Variants in AFF2 observed in about 807,000 individuals in gnomAD.
AFF2 encodes the protein AF4/FMR2 family member 2.
In AFF2, 14 loss-of-function variants were observed where a neutral mutation model predicts 76.9. The ratio of observed to expected loss-of-function variants is 0.18; its 90% CI spans 0.12 to 0.28. The LOEUF is 0.28. AFF2 is among the 10% of genes least tolerant of loss of function. The probability of loss-of-function intolerance (pLI) is 1.00; values close to 1 mark genes in which losing one functional copy is unlikely to be tolerated. For synonymous variants in AFF2, 398 were observed against 366.7 expected (o/e 1.09, Z -0.98); for missense variants, 868 against 1,001.1 (o/e 0.87, Z 1.79).
intron 3 of AFF2, among the ~76,000 whole-genome samples, chrX:148,740,211 GAA>G (rs1557265496): frequency 8.9e-6 from 1 of 111,921 alleles, no homozygotes; most frequent in African/African-American, 3.3e-5. Context: ...CAAGGCCAGG[GAA>G]GTTTTCCTCG....
chrX:148,753,058 G>A (rs1233201350), intron 3 of AFF2, among the ~76,000 whole-genome samples: 1 of 111,542 alleles, frequency 9.0e-6, no homozygotes, highest in African/African-American at 3.3e-5. Flanking sequence ...GCAGCCATTT[G>A]TAAGGCTCAC....
At chrX:148,675,193 G>A (rs1048606189) in intron 3 of AFF2, among the ~76,000 whole-genome samples, 1 of 110,770 alleles carries the variant, frequency 9.0e-6, no homozygotes, top group African/African-American at 3.3e-5. Context: ...GTAGAATGAA[G>A]GAGAAATAAC....
chrX:148,674,621 A>T (rs1278387255), intron 3 of AFF2, among the ~76,000 whole-genome samples: 4 of 112,064 alleles, frequency 3.6e-5, no homozygotes, highest in Non-Finnish European at 7.5e-5. Flanking sequence ...TTAGTGACTT[A>T]TAGGGTGAAG....
chrX:148,508,954 G>T (rs1197734744), intron 1 of AFF2, among the ~76,000 whole-genome samples: 6 of 111,138 alleles, frequency 5.4e-5, no homozygotes, highest in Non-Finnish European at 9.4e-5. Flanking sequence ...AAAATGACTT[G>T]CCCAAGGACA....
At chrX:148,826,837 G>A (rs1402338136) in intron 4 of AFF2, among the ~76,000 whole-genome samples, 1 of 111,410 alleles carries the variant, frequency 9.0e-6, no homozygotes, top group Admixed American at 9.5e-5. Flanking sequence ...AATACTTGGA[G>A]GGGGCTTTCT....
chrX:148,762,708 A>G (rs1557267422), intron 3 of AFF2, among the ~76,000 whole-genome samples: 1 of 110,555 alleles, frequency 9.0e-6, no homozygotes, highest in East Asian at 2.8e-4. Context: ...TGCATCTTAT[A>G]ACTTCTCAGG....
At chrX:148,608,851 C>T (rs923923272) in intron 1 of AFF2, among the ~76,000 whole-genome samples, 4 of 111,629 alleles carry the variant, frequency 3.6e-5, no homozygotes, top group East Asian at 2.8e-4. Context: ...TTTAACAACA[C>T]GAATGTTTAG....
chrX:148,888,899 G>A (rs1383849939), intron 8 of AFF2, among the ~76,000 whole-genome samples: 1 of 111,752 alleles, frequency 8.9e-6, no homozygotes, highest in Non-Finnish European at 1.9e-5. Context: ...GTGCTCAAGA[G>A]CCCAGACAAC....
chrX:148,852,870 G>C (rs1276249509), intron 7 of AFF2, among the ~76,000 whole-genome samples: 1 of 111,595 alleles, frequency 9.0e-6, no homozygotes, highest in Non-Finnish European at 1.9e-5. Context: ...AGGCCTGCTT[G>C]GTGCTCTTTC....
chrX:148,509,582 A>G (rs781831009), intron 1 of AFF2, among the ~76,000 whole-genome samples: 2 of 112,367 alleles, frequency 1.8e-5, no homozygotes, highest in African/African-American at 3.2e-5. Flanking sequence ...TTTTTCTGAA[A>G]TAATTGAAAC....
intron 3 of AFF2, among the ~76,000 whole-genome samples, chrX:148,678,998 AC>A (rs1413719285): frequency 9.1e-6 from 1 of 110,416 alleles, no homozygotes; most frequent in Non-Finnish European, 1.9e-5. Flanking sequence ...GCTAGTCAAA[AC>A]CCATGTTAAA....
chrX:148,628,217 A>G (rs1317429487), intron 1 of AFF2, among the ~76,000 whole-genome samples: 1 of 111,394 alleles, frequency 9.0e-6, no homozygotes, highest in Non-Finnish European at 1.9e-5. Context: ...ACCTAATGCC[A>G]CTGAATTGGA....
intron 3 of AFF2, among the ~76,000 whole-genome samples, chrX:148,701,012 A>AGAATGTGTGTGTGTG (rs782232655): frequency 6.8e-5 from 5 of 73,738 alleles, no homozygotes; most frequent in African/African-American, 2.9e-4. Context: ...GAGAGAGAGA[A>AGAATGTGTGTGTGTG]TGTGTGTGTG....
chrX:148,994,404 T>A lies in AFF2; in HGVS notation c.*3072T>A, dbSNP rs1464731440. On this transcript the variant is annotated 3_prime_UTR_variant, in exon 21 of 21. Coordinates refer to ENST00000370460, the MANE Select transcript of AFF2 (RefSeq NM_002025.4). The stretch of plus-strand genomic sequence containing the variant: ...TGGTCCTCCGGGTAGAATTTAGCTG[T>A]AAGCATGTTGTTAGCCAGCCTGTAG... 8.9e-6 allele frequency: 1 copy of A among 112,606 alleles called. No homozygotes were observed. Among genetic ancestry groups the A allele is most frequent in the Non-Finnish European group, 1.9e-5 (1 of 53,313 alleles). The allele number at this position is 112,606 out of a possible 1,213,427, so 9.3% of individuals were successfully genotyped here.
At chrX:148,763,845 T>C (rs1329331933) in intron 3 of AFF2, among the ~76,000 whole-genome samples, 2 of 111,967 alleles carry the variant, frequency 1.8e-5, no homozygotes, top group Non-Finnish European at 3.8e-5. Context: ...GTCGGAAGCA[T>C]AGCATGCAAG....
At chrX:148,760,224 A>C (rs941986507) in intron 3 of AFF2, among the ~76,000 whole-genome samples, 8 of 111,971 alleles carry the variant, frequency 7.1e-5, no homozygotes, top group Non-Finnish European at 1.1e-4. Flanking sequence ...TGCCAGGTTT[A>C]ATAACCAAGC....
At chrX:148,864,217 T>C (rs2070881389) in intron 7 of AFF2, among the ~76,000 whole-genome samples, 1 of 111,882 alleles carries the variant, frequency 8.9e-6, no homozygotes, top group Non-Finnish European at 1.9e-5. Context: ...CTTCAAATGG[T>C]TAACTGACAC....
At chrX:148,942,421 TAGAG>T (rs1431310186) in intron 9 of AFF2, among the ~76,000 whole-genome samples, 1 of 111,472 alleles carries the variant, frequency 9.0e-6, no homozygotes, top group Non-Finnish European at 1.9e-5. Flanking sequence ...AATTCTGAAA[TAGAG>T]AGATCTCATG....
At chrX:148,614,738 T>TTTCTTTC (rs1158870444) in intron 1 of AFF2, among the ~76,000 whole-genome samples, 4 of 55,286 alleles carry the variant, frequency 7.2e-5, no homozygotes, top group African/African-American at 1.7e-4. Flanking sequence ...TCTTTCCTTC[T>TTTCTTTC]TTTCTTTCTT....
Sources: gnomAD v4.1 joint callset for allele counts (sites outside exome capture counted in the v4.1 genomes callset) on GRCh38, gnomAD v4.1.1 for gene constraint, MANE v1.5 for transcripts, NCBI Gene and HGNC (gene_info 2026-07-23, HGNC 2026-07-21) for gene names.